Variants in EDRF1 observed in about 807,000 individuals in gnomAD.
EDRF1 encodes erythroid differentiation-related factor 1.
In EDRF1, 69 loss-of-function variants were observed where a neutral mutation model predicts 148.7. The ratio of observed to expected loss-of-function variants is 0.46; its 90% CI spans 0.38 to 0.57. The LOEUF is 0.57. Ranked by LOEUF, EDRF1 falls within the 20% of genes least tolerant of loss-of-function variation. The pLI, the probability that EDRF1 is intolerant of heterozygous loss-of-function variation, is 0.00. For missense variants in EDRF1, 1,118 were observed against 1,478.7 expected, an observed-to-expected ratio of 0.76 and a Z score of 4.00; for synonymous variants, 515 against 532.8, an observed-to-expected ratio of 0.97 and a Z score of 0.46.
Position 125,740,315 on chromosome 10 carries a change from C to T in EDRF1, c.1982-148C>T, listed in dbSNP as rs17425801. On this transcript the variant is annotated intron_variant, in intron 15 of 24. Transcript: ENST00000356792. ...GTCTTTTAACACGGCCATTTCACTC[C>T]AGTGTATTTAAGCAGTAAAGCATAG... The T allele has an allele frequency of 7.0e-3, 5,990 of 853,764 alleles. 28 individuals are homozygous for T. Among genetic ancestry groups the T allele is most frequent in the Non-Finnish European group, 9.5e-3 (5,058 of 533,210 alleles). The allele number at this position is 853,764 out of a possible 1,614,324, so 52.9% of individuals were successfully genotyped here. A position where few individuals can be genotyped will look rare whatever the true frequency, so the allele number is the denominator to read the frequency against.
chr10:125,727,164 CT>C (rs1469443834), intron 6 of EDRF1, among the ~76,000 whole-genome samples: 6 of 152,306 alleles, frequency 3.9e-5, no homozygotes, highest in Non-Finnish European at 2.9e-5. Flanking sequence ...ATCTTTCTGC[CT>C]GCAGAGGCCT....
At position 125,733,570 on chromosome 10, in the gene EDRF1, T is replaced by C. The variant is rs1433402553; in HGVS notation, c.1276+19T>C. 5 of 1,607,788 alleles carry C rather than the reference T, an allele frequency of 3.1e-6. No homozygotes were observed. Among genetic ancestry groups the C allele is most frequent in the Non-Finnish European group, 4.3e-6 (5 of 1,174,472 alleles). ...TTTAAAGGTAAGCTATTAATACTTCTTGAGTGAACAATAATTGATTTGGGT... is the reference window on the plus strand; with the variant it reads ...TTTAAAGGTAAGCTATTAATACTTCCTGAGTGAACAATAATTGATTTGGGT... On this transcript the variant is annotated intron_variant, in intron 10 of 24. Transcript: ENST00000356792.
intron 22 of EDRF1, among the ~76,000 whole-genome samples, chr10:125,751,218 G>A (rs557255289): frequency 6.6e-6 from 1 of 152,242 alleles, no homozygotes; most frequent in Non-Finnish European, 1.5e-5. Flanking sequence ...GAAGATACTG[G>A]AACAAATTTG....
At chr10:125,741,229 T>A (rs1387915620) in intron 17 of EDRF1, 28 bp downstream of exon 17, 1 of 1,598,370 alleles carries the variant, frequency 6.3e-7, no homozygotes, top group African/African-American at 1.3e-5. Flanking sequence ...ACCACGTGGT[T>A]CACAGTGGGA....
In EDRF1 at chr10:125,764,014, G is replaced by A. The variant is rs1589888529; in HGVS notation, c.*542G>A. Reference sequence around the variant, plus strand: ...GCTGTATTTAATGCATGTTCTGAAAGGATTCACTTTTGACTTTATATGACA... The same window carrying A: ...GCTGTATTTAATGCATGTTCTGAAAAGATTCACTTTTGACTTTATATGACA... On this transcript the variant is annotated 3_prime_UTR_variant, in exon 25 of 25. Transcript: ENST00000356792. 6.4e-6 allele frequency: 1 copy of A among 156,482 alleles called. No individual in the cohort carries two copies. Among genetic ancestry groups the A allele is most frequent in the South Asian group, 1.9e-4 (1 of 5,160 alleles). The allele number at this position is 156,482 out of a possible 1,614,324, so 9.7% of individuals were successfully genotyped here.
rs1848123654 is a variant in EDRF1, at chr10:125,723,797, CT to C, written c.385-12del. 6.2e-7 allele frequency: 1 copy of C among 1,610,066 alleles called. No individual in the cohort carries two copies. Among genetic ancestry groups the C allele is most frequent in the South Asian group, 1.1e-5 (1 of 90,786 alleles). On this transcript the variant is annotated splice_polypyrimidine_tract_variant and intron_variant, in intron 3 of 24. Transcript: ENST00000356792. ...ACAGTCTTTCTAAACTATTTTTTCT[CT>C]TAATTTTTTAAGAACATAAAAAAAC... is the stretch of plus-strand genomic sequence containing the variant.
chr10:125,729,111 T>C lies in EDRF1; in HGVS notation c.894+7T>C. 1.3e-6 allele frequency: 2 copies of C among 1,556,988 alleles called. No homozygotes were observed. On this transcript the variant is annotated splice_region_variant and intron_variant, in intron 7 of 24. Coordinates refer to ENST00000356792, the MANE Select transcript of EDRF1 (RefSeq NM_001202438.2). Reference sequence around the variant, plus strand: ...TGACGGGGAGCACAGTCAGGTATGCTTTCCATGGTGTCCAAGGTGACAGCA... The same window carrying C: ...TGACGGGGAGCACAGTCAGGTATGCCTTCCATGGTGTCCAAGGTGACAGCA...
rs141371168 is a variant in EDRF1 at position 125,728,018 on chromosome 10, G to A, written c.793-985G>A. 5.9e-4 allele frequency among the ~76,000 whole-genome samples: 89 copies of A among 151,948 alleles called. No individual in the cohort carries two copies. In the East Asian group the frequency reaches 0.017, roughly 28 times the overall value. ...TAGAGACCAGCCTGGCCAACATGGC[G>A]AAACCCCATCTCTATTTAAAAAAAG... On this transcript the variant is annotated intron_variant, in intron 6 of 24. Coordinates refer to ENST00000356792, the MANE Select transcript of EDRF1 (RefSeq NM_001202438.2).
intron 6 of EDRF1, among the ~76,000 whole-genome samples, chr10:125,728,006 G>C (rs1269745208): frequency 6.6e-6 from 1 of 151,904 alleles, no homozygotes; most frequent in Non-Finnish European, 1.5e-5. Flanking sequence ...AGACCAGCCT[G>C]GCCAACATGG....
In EDRF1 at chr10:125,742,779, TAAAC is replaced by T. The variant is rs1257833919; in HGVS notation, c.2372-276_2372-273del. On this transcript the variant is annotated intron_variant, in intron 17 of 24. Transcript: ENST00000356792. The stretch of plus-strand genomic sequence containing the variant: ...GTGGACAACTTTAGGTCCATTCTAA[TAAAC>T]AAGTGTACCTGGGAAAACCTGGGTC... The T allele has an allele frequency of 9.1e-6, 9 of 984,778 alleles. No individual in the cohort carries two copies. The East Asian group carries it at 5.7e-4, about 62-fold the overall frequency. The allele number at this position is 984,778 out of a possible 1,614,324, so 61.0% of individuals were successfully genotyped here.
At position 125,719,712 on chromosome 10, in the gene EDRF1, C is replaced by T; in HGVS notation, c.-96C>T. ...TCCTGGCAGAGACCGGAAGTGCGGTCCGCGGAGCGTCTCTGGCGCTTACCC... is the reference window on the plus strand; with the variant it reads ...TCCTGGCAGAGACCGGAAGTGCGGTTCGCGGAGCGTCTCTGGCGCTTACCC... On this transcript the variant is annotated 5_prime_UTR_variant, in exon 1 of 25. Transcript: ENST00000356792. The T allele has an allele frequency of 4.5e-6, 4 of 886,702 alleles. No homozygotes were observed. Among genetic ancestry groups the T allele is most frequent in the South Asian group, 3.6e-5 (2 of 55,560 alleles). The allele number at this position is 886,702 out of a possible 1,614,324, so 54.9% of individuals were successfully genotyped here. A position where few individuals can be genotyped will look rare whatever the true frequency, so the allele number is the denominator to read the frequency against.
rs751109111 is a variant in EDRF1, at chr10:125,763,713, A to C, written c.*241A>C. ...TCCACTATTTATGTCTTTGAGAAGT[A>C]TGTAGTACCTCGGTATTAACAGACC... On this transcript the variant is annotated 3_prime_UTR_variant, in exon 25 of 25. Transcript: ENST00000356792. The surrounding 1 kb of genome is among the most constrained non-coding windows in gnomAD (Gnocchi z 4.3). 7.1e-6 allele frequency: 4 copies of C among 560,834 alleles called. No homozygotes were observed. The highest frequency in any genetic ancestry group is 1.3e-5 in the Non-Finnish European group (4 of 314,674). The allele number at this position is 560,834 out of a possible 1,614,324, so 34.7% of individuals were successfully genotyped here.
intron 17 of EDRF1, chr10:125,742,773 T>C: frequency 1.0e-6 from 1 of 984,870 alleles, no homozygotes; most frequent in Non-Finnish European, 1.2e-6. Flanking sequence ...TTTAGGTCCA[T>C]TCTAATAAAC....
chr10:125,728,455 C>T (rs186859545), intron 6 of EDRF1, among the ~76,000 whole-genome samples: 16 of 152,238 alleles, frequency 1.1e-4, no homozygotes, highest in Non-Finnish European at 2.9e-5. Flanking sequence ...AAACACTCAT[C>T]AGGAAATGCT....
chr10:125,742,204 T>G (rs1448952423), intron 17 of EDRF1: 8 of 1,286,960 alleles, frequency 6.2e-6, no homozygotes, highest in Non-Finnish European at 8.1e-6. Flanking sequence ...TATGTCACTC[T>G]GTTTGGAATT....
chr10:125,756,807 CTTATAT>C (rs751776792), intron 24 of EDRF1: 3 of 431,756 alleles, frequency 6.9e-6, no homozygotes, highest in African/African-American at 2.1e-5. Flanking sequence ...TTTTTATTTA[CTTATAT>C]TTATGTTTAG....
chr10:125,761,105 G>T (rs1850170151), intron 24 of EDRF1: 1 of 248,056 alleles, frequency 4.0e-6, no homozygotes, highest in African/African-American at 2.3e-5. Flanking sequence ...TCCACTTCAT[G>T]CCCTCTGGCA....
chr10:125,754,246 A>C (rs547442925), intron 24 of EDRF1, among the ~76,000 whole-genome samples: 1 of 152,024 alleles, frequency 6.6e-6, no homozygotes, highest in African/African-American at 2.4e-5. Flanking sequence ...GAAAGAAAAA[A>C]ATAGGTTGTA....
chr10:125,736,374 T>C (rs1434816006), intron 13 of EDRF1, among the ~76,000 whole-genome samples: 1 of 152,122 alleles, frequency 6.6e-6, no homozygotes, highest in African/African-American at 2.4e-5. Context: ...GTCTGTTGTA[T>C]TGGACATGTC....
Sources: gnomAD v4.1 joint callset for allele counts (sites outside exome capture counted in the v4.1 genomes callset) on GRCh38, gnomAD v4.1.1 for gene constraint, Gnocchi (gnomAD v3.1) non-coding constraint, MANE v1.5 for transcripts, NCBI Gene and HGNC (gene_info 2026-07-23, HGNC 2026-07-21) for gene names.